SHANK2: variants seen among roughly 807,000 people sequenced by gnomAD.
SHANK2 encodes SH3 and multiple ankyrin repeat domains protein 2.
A neutral mutation model predicts 133.7 loss-of-function variants in SHANK2; 43 were observed. The ratio of observed to expected loss-of-function variants is 0.32; its 90% CI spans 0.25 to 0.41. The LOEUF (loss-of-function observed/expected upper bound fraction) is 0.41, where lower values mean the gene tolerates loss of function less well. Among genes scored for constraint, SHANK2 ranks in the 10% least tolerant of loss-of-function variants. SHANK2 has a pLI of 1.00. For missense variants in SHANK2, 1,994 were observed against 2,235.8 expected, an observed-to-expected ratio of 0.89 and a Z score of 2.18; for synonymous variants, 1,017 against 952.8, an observed-to-expected ratio of 1.07 and a Z score of -1.24.
chr11:70,494,482 C>T (rs907279820), intron 21 of SHANK2, among the ~76,000 whole-genome samples: 5 of 152,070 alleles, frequency 3.3e-5, no homozygotes, highest in South Asian at 2.1e-4. Flanking sequence ...TTAGTAGAGA[C>T]GGGGTTTCAC....
intron 1 of SHANK2, among the ~76,000 whole-genome samples, chr11:71,232,441 A>C (rs1363120267): frequency 1.3e-5 from 2 of 152,192 alleles, no homozygotes; most frequent in African/African-American, 4.8e-5. Context: ...CTTAAGCAAC[A>C]CAGGTTTGAA....
At chr11:70,767,249 A>T (rs1380413342) in intron 14 of SHANK2, among the ~76,000 whole-genome samples, 1 of 152,242 alleles carries the variant, frequency 6.6e-6, no homozygotes, top group Non-Finnish European at 1.5e-5. Flanking sequence ...GACTGACCTC[A>T]TTCTCTGGGC....
Position 70,486,671 on chromosome 11 carries a change from G to A in SHANK2, c.3622C>T (p.Arg1208Trp). 3 of 1,611,572 alleles carry A rather than the reference G, an allele frequency of 1.9e-6. No homozygotes were observed. The highest frequency in any genetic ancestry group is 1.1e-5 in the South Asian group (1 of 91,082). ...AGCGGGGAGCTGGGATCAAGCAGCC[G>A]CCCTGTGAGTGGGTGGACATAATTC... ...PGNYVHPLTG[R>W]LLDPSSPLAL... The change falls in exon 25 of 26, where the codon CGG (arginine) becomes TGG (tryptophan). Residue 1208 changes from arginine (R) to tryptophan (W), a missense_variant. Physicochemically the swap from Arg to Trp is moderately radical, Grantham distance 101. Around this residue, in one of 5 missense-constraint regions of SHANK2, gnomAD observed 797 missense variants for 907.4 expected, o/e 0.88. Transcript: ENST00000601538. This position sits in a 1 kb window ranked among gnomAD's most constrained non-coding sequence, Gnocchi z 8.0.
At chr11:71,140,998 T>A (rs1952543800) in intron 3 of SHANK2, among the ~76,000 whole-genome samples, 1 of 152,222 alleles carries the variant, frequency 6.6e-6, no homozygotes, top group African/African-American at 2.4e-5. Flanking sequence ...GGACAGTGGC[T>A]CTGCCCCTCA....
Position 70,485,966 on chromosome 11 carries a change from T to C in SHANK2, c.4327A>G (p.Ser1443Gly), listed in dbSNP as rs782058407. ...AACGAAGGGGACTGAGGGGTGTCGCTTTTCTTCTGCTTCACTAAGTCTGAG... is the reference window on the plus strand; with the variant it reads ...AACGAAGGGGACTGAGGGGTGTCGCCTTTCTTCTGCTTCACTAAGTCTGAG... ...ALSDLVKQKK[S>G]DTPQSPSLNS... The change falls in exon 25 of 26, where the codon AGC becomes GGC. Residue 1443 changes from serine to glycine, a missense_variant. Physicochemically the swap from Ser to Gly is moderately conservative, Grantham distance 56 (BLOSUM62 0). Transcript: ENST00000601538. The surrounding 1 kb of genome is among the most constrained non-coding windows in gnomAD (Gnocchi z 5.8). 9.3e-6 allele frequency: 15 copies of C among 1,613,842 alleles called. No homozygotes were observed. The highest frequency in any genetic ancestry group is 1.3e-5 in the Non-Finnish European group (15 of 1,179,948).
intron 17 of SHANK2, among the ~76,000 whole-genome samples, chr11:70,612,912 C>T (rs1245246030): frequency 6.6e-6 from 1 of 152,222 alleles, no homozygotes; most frequent in Non-Finnish European, 1.5e-5. Context: ...ATGCAGTTGG[C>T]ATTCATTCAT....
chr11:70,794,106 T>C (rs79892806), intron 14 of SHANK2, among the ~76,000 whole-genome samples: 1,667 of 151,758 alleles, frequency 0.011, 29 homozygotes, highest in African/African-American at 0.037. Context: ...CATGGTGAAA[T>C]CCCCTCCTTA....
chr11:71,181,913 G>A (rs1382644208), intron 2 of SHANK2, among the ~76,000 whole-genome samples: 2 of 150,286 alleles, frequency 1.3e-5, no homozygotes, highest in East Asian at 2.0e-4. Context: ...AGAAACCTAC[G>A]ATTCCAAGGG....
At chr11:70,657,023 T>C (rs1377893512) in intron 17 of SHANK2, among the ~76,000 whole-genome samples, 1 of 152,170 alleles carries the variant, frequency 6.6e-6, no homozygotes, top group Non-Finnish European at 1.5e-5. Context: ...GTTCTAGAGA[T>C]ACCAAAGACA....
At chr11:71,154,498 A>G (rs1952860503) in intron 2 of SHANK2, among the ~76,000 whole-genome samples, 1 of 152,218 alleles carries the variant, frequency 6.6e-6, no homozygotes, top group African/African-American at 2.4e-5. Flanking sequence ...CATTTAACCC[A>G]CTGTTCTCCT....
chr11:70,613,763 G>GTTTTTTTTTTT lies in SHANK2; in HGVS notation c.2061+46054_2061+46064dup, dbSNP rs57180024. On this transcript the variant is annotated intron_variant, in intron 17 of 25. Coordinates refer to ENST00000601538, the MANE Select transcript of SHANK2 (RefSeq NM_012309.5). The stretch of plus-strand genomic sequence containing the variant: ...TGTCCTTGTAAGAAGAGGGGAACTT[G>GTTTTTTTTTTT]TTTTTTTTTTTTTTTCTTTGAGATG... Among the ~76,000 whole-genome samples the GTTTTTTTTTTT allele has an allele frequency of 3.3e-4, 41 of 123,768 alleles. 5 individuals carry two copies. The highest frequency in any genetic ancestry group is 4.0e-4 in the Non-Finnish European group (25 of 62,986). The allele number at this position is 123,768 out of a possible 152,430, so 81.2% of individuals were successfully genotyped here.
rs71467421 is a variant in SHANK2 at position 70,898,282 on chromosome 11, GCACACA to G, written c.1108-1721_1108-1716del. On this transcript the variant is annotated intron_variant, in intron 10 of 25. Coordinates refer to ENST00000601538, the MANE Select transcript of SHANK2 (RefSeq NM_012309.5). ...TGCCTGGCCAAATATATACACACAC[GCACACA>G]CACACACACACACACACACACACAT... is the stretch of plus-strand genomic sequence containing the variant. 5.6e-3 allele frequency among the ~76,000 whole-genome samples: 764 copies of G among 135,472 alleles called. 5 individuals carry two copies. Among genetic ancestry groups the G allele is most frequent in the South Asian group, 0.013 (52 of 3,938 alleles). The allele number at this position is 135,472 out of a possible 152,430, so 88.9% of individuals were successfully genotyped here.
At chr11:71,074,474 G>A (rs1283553453) in intron 9 of SHANK2, among the ~76,000 whole-genome samples, 1 of 152,122 alleles carries the variant, frequency 6.6e-6, no homozygotes, top group East Asian at 1.9e-4. Flanking sequence ...TGTTGGGTTG[G>A]GGCTTTACGT....
rs1340565933 is a variant in SHANK2, at chr11:70,955,126, G to A, written c.1108-58559C>T. ...ATTAAATTTGGGCCTTATTAAAATG[G>A]AGCCATTCTGAACGTCTCTCATTGC... On this transcript the variant is annotated intron_variant, in intron 10 of 25. Transcript: ENST00000601538. Among the ~76,000 whole-genome samples the A allele has an allele frequency of 3.3e-5, 5 of 152,248 alleles. No individual in the cohort carries two copies. The East Asian group carries it at 9.6e-4, about 29-fold the overall frequency.
intron 11 of SHANK2, among the ~76,000 whole-genome samples, chr11:70,832,883 C>T (rs1478989502): frequency 6.6e-6 from 1 of 152,252 alleles, no homozygotes; most frequent in Non-Finnish European, 1.5e-5. Flanking sequence ...TTAGCGTCCT[C>T]ACTGCATCTG....
intron 14 of SHANK2, among the ~76,000 whole-genome samples, chr11:70,752,880 G>A (rs1333200297): frequency 6.6e-6 from 1 of 152,072 alleles, no homozygotes; most frequent in East Asian, 1.9e-4. Flanking sequence ...TTGCGGGGCC[G>A]AGGCAGGCAG....
At chr11:70,662,062 T>G in intron 15 of SHANK2, 1 of 493,144 alleles carries the variant, frequency 2.0e-6, no homozygotes, top group Non-Finnish European at 3.7e-6. Flanking sequence ...AGCGGCGGCC[T>G]CAGCAGCGGC....
At chr11:71,165,336 G>T in intron 2 of SHANK2, among the ~76,000 whole-genome samples, 1 of 152,110 alleles carries the variant, frequency 6.6e-6, no homozygotes, top group East Asian at 1.9e-4. Context: ...TCCCAGCCTT[G>T]TCTTGTTTTC....
chr11:70,790,716 A>G (rs138167507), intron 14 of SHANK2, among the ~76,000 whole-genome samples: 105 of 152,270 alleles, frequency 6.9e-4, no homozygotes, highest in African/African-American at 2.4e-3. Context: ...ATCTGTGTCT[A>G]CGTCCTACTG....
Sources: gnomAD v4.1 joint callset for allele counts (sites outside exome capture counted in the v4.1 genomes callset) on GRCh38, gnomAD v4.1.1 for gene constraint, gnomAD v4.1.1 regional missense constraint, Gnocchi (gnomAD v3.1) non-coding constraint, MANE v1.5 for transcripts, NCBI Gene and HGNC (gene_info 2026-07-23, HGNC 2026-07-21) for gene names.